Variants in ARSJ observed in about 807,000 individuals in gnomAD.
The protein encoded by ARSJ is arylsulfatase family member J.
In ARSJ, 26 loss-of-function variants were observed where a neutral mutation model predicts 35.9. That is an observed-to-expected ratio of 0.72 (90% CI 0.53 to 1.00). The LOEUF (loss-of-function observed/expected upper bound fraction) is 1.00, where lower values mean the gene tolerates loss of function less well. Among genes scored for constraint, ARSJ ranks in the 50% least tolerant of loss-of-function variants. The probability of loss-of-function intolerance (pLI) is 0.00; values close to 1 mark genes in which losing one functional copy is unlikely to be tolerated. For synonymous variants in ARSJ, 294 were observed against 267.6 expected (o/e 1.10, Z -0.96); for missense variants, 667 against 723.6 (o/e 0.92, Z 0.90).
chr4:113,941,248 G>T (rs186483196), intron 1 of ARSJ, among the ~76,000 whole-genome samples: 1 of 151,984 alleles, frequency 6.6e-6, no homozygotes, highest in Admixed American at 6.6e-5. Flanking sequence ...TTGCTAAGTT[G>T]CAAAACAAAA....
intron 1 of ARSJ, among the ~76,000 whole-genome samples, chr4:113,927,637 G>A (rs1724155384): frequency 6.6e-6 from 1 of 152,190 alleles, no homozygotes; most frequent in South Asian, 2.1e-4. Flanking sequence ...CCAGGTACCA[G>A]GAGATGTATT....
chr4:113,931,775 G>C (rs1187806129), intron 1 of ARSJ, among the ~76,000 whole-genome samples: 1 of 151,708 alleles, frequency 6.6e-6, no homozygotes, highest in Non-Finnish European at 1.5e-5. Flanking sequence ...AGAATCAAGT[G>C]GAAACACAAG....
chr4:113,920,372 C>A (rs1723592544), intron 1 of ARSJ, among the ~76,000 whole-genome samples: 1 of 152,098 alleles, frequency 6.6e-6, no homozygotes, highest in Admixed American at 6.6e-5. Context: ...TTTGCAACAT[C>A]CCTATACACT....
At position 113,900,290 on chromosome 4, in the gene ARSJ, A is replaced by T. The variant is rs1045632836; in HGVS notation, c.*1984T>A. 1.3e-5 allele frequency: 2 copies of T among 152,208 alleles called. No homozygotes were observed. The highest frequency in any genetic ancestry group is 1.3e-4 in the Admixed American group (2 of 15,278). 9.4% of individuals were successfully genotyped at this position (152,208 alleles called of 1,614,324 possible). On this transcript the variant is annotated 3_prime_UTR_variant, in exon 2 of 2. Transcript: ENST00000315366. ...TGTGCCACCAGGAAAGAAAAACATG[A>T]ACAATATGCCTTTATTTTTAAGACT...
At position 113,975,496 on chromosome 4, in the gene ARSJ, G is replaced by A. The variant is rs943961737; in HGVS notation, c.398+2941C>T. 2.8e-4 allele frequency among the ~76,000 whole-genome samples: 43 copies of A among 152,104 alleles called. 2 individuals carry two copies. Among genetic ancestry groups the A allele is most frequent in the Admixed American group, 2.8e-3 (42 of 15,260 alleles). On this transcript the variant is annotated intron_variant, in intron 1 of 1. Coordinates refer to ENST00000315366, the MANE Select transcript of ARSJ (RefSeq NM_024590.4). ...TATTTGCAAAACTGTAAAAAAAGAA[G>A]TGAGTAAATTACTTTGAAATAAATC...
intron 1 of ARSJ, among the ~76,000 whole-genome samples, chr4:113,924,547 A>G (rs535730759): frequency 2.2e-4 from 34 of 152,196 alleles, no homozygotes; most frequent in African/African-American, 7.0e-4. Flanking sequence ...ATCTCCTGAG[A>G]TGATATATAA....
At chr4:113,913,902 A>G (rs1470188857) in intron 1 of ARSJ, among the ~76,000 whole-genome samples, 1 of 152,190 alleles carries the variant, frequency 6.6e-6, no homozygotes, top group Non-Finnish European at 1.5e-5. Context: ...TCCTTAAGTA[A>G]TATCATCGTA....
At chr4:113,914,479 C>CA (rs34615912) in intron 1 of ARSJ, among the ~76,000 whole-genome samples, 107,187 of 151,746 alleles carry the variant, frequency 0.71, 38,669 homozygotes, top group East Asian at 0.81. Context: ...AACAGCCCAA[C>CA]AAAAAAAATG....
intron 1 of ARSJ, among the ~76,000 whole-genome samples, chr4:113,951,313 C>T (rs556422179): frequency 1.8e-4 from 27 of 152,212 alleles, no homozygotes; most frequent in Admixed American, 1.4e-3. Flanking sequence ...ACAGTTACCA[C>T]GTTTCTGAGT....
At chr4:113,955,071 A>C (rs1345990361) in intron 1 of ARSJ, among the ~76,000 whole-genome samples, 1 of 151,418 alleles carries the variant, frequency 6.6e-6, no homozygotes, top group Non-Finnish European at 1.5e-5. Context: ...AGATGGATGA[A>C]AATAATTATT....
At chr4:113,913,408 C>T (rs1447033704) in intron 1 of ARSJ, among the ~76,000 whole-genome samples, 2 of 137,300 alleles carry the variant, frequency 1.5e-5, no homozygotes, top group South Asian at 2.3e-4. Context: ...AGATAGTCTT[C>T]CCTGACTCTT....
At chr4:113,952,691 C>CG (rs1725938309) in intron 1 of ARSJ, among the ~76,000 whole-genome samples, 1 of 151,936 alleles carries the variant, frequency 6.6e-6, no homozygotes, top group Non-Finnish European at 1.5e-5. Context: ...GTTAGAAGGA[C>CG]CAAGAGAACG....
chr4:113,950,802 G>C (rs1216980068), intron 1 of ARSJ, among the ~76,000 whole-genome samples: 2 of 151,962 alleles, frequency 1.3e-5, no homozygotes, highest in African/African-American at 4.8e-5. Flanking sequence ...ATTATACCGT[G>C]ACTAGGCATA....
intron 1 of ARSJ, among the ~76,000 whole-genome samples, chr4:113,950,515 A>G (rs1044915423): frequency 9.2e-5 from 14 of 152,060 alleles, no homozygotes; most frequent in African/African-American, 3.1e-4. Context: ...ACATTATCCA[A>G]CAGTTGTGAG....
chr4:113,960,346 T>C (rs1249893406), intron 1 of ARSJ, among the ~76,000 whole-genome samples: 3 of 152,032 alleles, frequency 2.0e-5, no homozygotes, highest in Non-Finnish European at 2.9e-5. Flanking sequence ...AGTGAAAAAT[T>C]TGAGAGTTTG....
chr4:113,963,399 A>T (rs1232055690), intron 1 of ARSJ, among the ~76,000 whole-genome samples: 1 of 152,014 alleles, frequency 6.6e-6, no homozygotes, highest in Non-Finnish European at 1.5e-5. Context: ...GGAAGCAAAC[A>T]TGTCCTTCTT....
At position 113,903,030 on chromosome 4, in the gene ARSJ, A is replaced by G. The variant is rs752523213; in HGVS notation, c.1044T>C (p.Tyr348=). The change falls in exon 2 of 2, where the codon TAT becomes TAC. Residue 348 remains tyrosine (Y), a synonymous_variant. Transcript: ENST00000315366. ...NWPLRGSKGT[Y]WEGGIRAVGF... ...CTACAGCCCGGATCCCTCCTTCCCA[A>G]TATGTTCCTTTGCTACCTCTGAGAG... 1.9e-6 allele frequency: 3 copies of G among 1,614,016 alleles called. No individual in the cohort carries two copies. The African/African-American group carries it at 4.0e-5, about 22-fold the overall frequency.
intron 1 of ARSJ, among the ~76,000 whole-genome samples, chr4:113,933,315 A>C (rs536854778): frequency 6.0e-4 from 91 of 152,054 alleles, no homozygotes; most frequent in African/African-American, 2.1e-3. Flanking sequence ...CTTCAAAAAA[A>C]ATTGAAGAAA....
At chr4:113,904,450 A>C (rs554166308) in intron 1 of ARSJ, among the ~76,000 whole-genome samples, 1 of 152,288 alleles carries the variant, frequency 6.6e-6, no homozygotes, top group South Asian at 2.1e-4. Context: ...ACAAGGAAAA[A>C]TTAGAGAAAA....
Sources: gnomAD v4.1 joint callset for allele counts (sites outside exome capture counted in the v4.1 genomes callset) on GRCh38, gnomAD v4.1.1 for gene constraint, MANE v1.5 for transcripts, NCBI Gene and HGNC (gene_info 2026-07-23, HGNC 2026-07-21) for gene names.